R3HCC1L: variants seen among roughly 807,000 people sequenced by gnomAD.
The protein encoded by R3HCC1L is coiled-coil domain-containing protein R3HCC1L.
In R3HCC1L, 51 loss-of-function variants were observed where a neutral mutation model predicts 59.9. That is an observed-to-expected ratio of 0.85 (90% confidence interval 0.68 to 1.07). The LOEUF (loss-of-function observed/expected upper bound fraction) is 1.07. R3HCC1L is among the 50% of genes least tolerant of loss of function. R3HCC1L has a pLI of 0.00. For missense variants in R3HCC1L, 965 were observed against 933.0 expected, an observed-to-expected ratio of 1.03 and a Z score of -0.45; for synonymous variants, 322 against 315.2, an observed-to-expected ratio of 1.02 and a Z score of -0.23.
chr10:98,138,650 T>G (rs778382998), intron 1 of R3HCC1L, among the ~76,000 whole-genome samples: 6 of 152,260 alleles, frequency 3.9e-5, no homozygotes, highest in Non-Finnish European at 8.8e-5. Flanking sequence ...TGCTCAGTAA[T>G]GAGTGTGCTG....
chr10:98,179,408 G>A (rs1849392386), intron 4 of R3HCC1L, among the ~76,000 whole-genome samples: 2 of 152,130 alleles, frequency 1.3e-5, no homozygotes, highest in Admixed American at 6.5e-5. Flanking sequence ...TCCCAGGGAT[G>A]AAGCCAGCAT....
chr10:98,141,484 T>G (rs1209946798), intron 1 of R3HCC1L, among the ~76,000 whole-genome samples: 1 of 152,178 alleles, frequency 6.6e-6, no homozygotes, highest in Non-Finnish European at 1.5e-5. Flanking sequence ...TACCTTTTGT[T>G]GTGTTTGTAG....
intron 4 of R3HCC1L, among the ~76,000 whole-genome samples, chr10:98,207,297 C>A (rs1852803076): frequency 6.6e-6 from 1 of 152,054 alleles, no homozygotes; most frequent in African/African-American, 2.4e-5. Context: ...AGCACATTTT[C>A]TTGTATTTTA....
Position 98,234,424 on chromosome 10 carries a change from A to C in R3HCC1L, c.1962-22A>C. ...AAAGTAAATTTTATTTTAGGAAATA[A>C]AATTGTTTTTTTGTGTTGCAGAAAG... On this transcript the variant is annotated intron_variant, in intron 6 of 9. Transcript: ENST00000298999. 4 of 1,602,674 alleles carry C rather than the reference A, an allele frequency of 2.5e-6. No homozygotes were observed. The Admixed American group carries it at 6.7e-5, about 27-fold the overall frequency.
intron 2 of R3HCC1L, among the ~76,000 whole-genome samples, chr10:98,161,173 A>G (rs569675791): frequency 2.0e-5 from 3 of 152,242 alleles, no homozygotes; most frequent in African/African-American, 4.8e-5. Flanking sequence ...TTTCCCCACA[A>G]CCTCATCATC....
intron 4 of R3HCC1L, among the ~76,000 whole-genome samples, chr10:98,203,903 T>G (rs1156328553): frequency 6.6e-6 from 1 of 152,196 alleles, no homozygotes; most frequent in Non-Finnish European, 1.5e-5. Context: ...AGGCATGTGT[T>G]AGCAATTGAC....
intron 5 of R3HCC1L, among the ~76,000 whole-genome samples, chr10:98,218,646 T>C (rs1417429180): frequency 3.3e-5 from 5 of 152,206 alleles, no homozygotes; most frequent in South Asian, 2.1e-4. Flanking sequence ...GAATGTATCC[T>C]GCAGTTGTTG....
chr10:98,230,211 T>C (rs1439917620), intron 5 of R3HCC1L, among the ~76,000 whole-genome samples: 1 of 152,226 alleles, frequency 6.6e-6, no homozygotes, highest in Admixed American at 6.5e-5. Context: ...CGTCTGGTCC[T>C]GGACTTTTTT....
intron 1 of R3HCC1L, among the ~76,000 whole-genome samples, chr10:98,154,386 A>T (rs1423828641): frequency 6.6e-6 from 1 of 152,022 alleles, no homozygotes; most frequent in East Asian, 1.9e-4. Flanking sequence ...GGCAGCTGGG[A>T]GGGTCTTTCT....
intron 4 of R3HCC1L, among the ~76,000 whole-genome samples, chr10:98,200,209 G>T (rs1006319388): frequency 7.9e-5 from 12 of 151,886 alleles, no homozygotes; most frequent in African/African-American, 2.9e-4. Context: ...TTGAGGGTTT[G>T]TATTTTCACA....
chr10:98,195,885 A>C (rs2134981143), intron 4 of R3HCC1L, among the ~76,000 whole-genome samples: 1 of 152,336 alleles, frequency 6.6e-6, no homozygotes, highest in South Asian at 2.1e-4. Context: ...CTATTGCTAA[A>C]GAAGCAGAGT....
intron 1 of R3HCC1L, among the ~76,000 whole-genome samples, chr10:98,138,921 T>C: frequency 6.6e-6 from 1 of 152,238 alleles, no homozygotes; most frequent in East Asian, 1.9e-4. Context: ...TAGCCAGGTT[T>C]AGTATAATAT....
intron 1 of R3HCC1L, among the ~76,000 whole-genome samples, chr10:98,141,027 T>C (rs1022201046): frequency 9.9e-5 from 15 of 152,194 alleles, no homozygotes; most frequent in African/African-American, 2.4e-4. Flanking sequence ...GTTTTTTTTT[T>C]CCCAGTCTTC....
chr10:98,237,039 T>A (rs1254241932), intron 9 of R3HCC1L, among the ~76,000 whole-genome samples: 1 of 152,350 alleles, frequency 6.6e-6, no homozygotes, highest in East Asian at 1.9e-4. Context: ...TAATACGTCC[T>A]GTCCTCTCTG....
At position 98,209,242 on chromosome 10, in the gene R3HCC1L, T is replaced by C. The variant is rs148011436; in HGVS notation, c.1128T>C (p.Cys376=). 2 of 1,613,834 alleles carry C rather than the reference T, an allele frequency of 1.2e-6. No individual in the cohort carries two copies. Among genetic ancestry groups the C allele is most frequent in the African/African-American group, 2.7e-5 (2 of 74,944 alleles). Residue 376 remains cysteine, a synonymous_variant, in exon 5 of 10, where the codon TGT becomes TGC. Transcript: ENST00000298999. ...KNVGDITNKA[C]MMDTTGMSCS... ...TAGGTGACATTACCAATAAAGCATG[T>C]ATGATGGACACTACAGGTATGTCCT...
chr10:98,145,117 C>A (rs889767700), intron 1 of R3HCC1L, among the ~76,000 whole-genome samples: 6 of 152,090 alleles, frequency 3.9e-5, no homozygotes, highest in African/African-American at 1.4e-4. Flanking sequence ...AAATTTGATC[C>A]AATAGGTGAC....
intron 4 of R3HCC1L, among the ~76,000 whole-genome samples, chr10:98,186,870 G>T (rs1850273417): frequency 1.3e-5 from 2 of 152,098 alleles, no homozygotes; most frequent in South Asian, 4.2e-4. Context: ...GGGGTGTACT[G>T]TGGGATAGAG....
chr10:98,208,714 C>T lies in R3HCC1L; in HGVS notation c.600C>T (p.Asp200=). 1 of 1,614,004 alleles carries T rather than the reference C, an allele frequency of 6.2e-7. No homozygotes were observed. Among genetic ancestry groups the T allele is most frequent in the Non-Finnish European group, 8.5e-7 (1 of 1,179,996 alleles). The change falls in exon 5 of 10, where the codon GAC becomes GAT. Residue 200 remains aspartate (D), a synonymous_variant. Coordinates refer to ENST00000298999, the MANE Select transcript of R3HCC1L (RefSeq NM_001351015.2). ...AACCTGATGGGGAAGCATTTGAAGA[C>T]AAAGATTTGGAAGGCAGAATTGAAA... The part of the protein sequence containing the change: ...RHEPDGEAFE[D]KDLEGRIETD...
At position 98,152,641 on chromosome 10, in the gene R3HCC1L, C is replaced by T. The variant is rs1461879409; in HGVS notation, c.-267-3452C>T. Among the ~76,000 whole-genome samples, 10 of 124,570 alleles carry T rather than the reference C, an allele frequency of 8.0e-5. 1 individual carries two copies. The highest frequency in any genetic ancestry group is 1.9e-4 in the African/African-American group (7 of 37,692). The allele number at this position is 124,570 out of a possible 152,430, so 81.7% of individuals were successfully genotyped here. Reference sequence around the variant, plus strand: ...GATGCGGGGAGCGCCTCTGCCCCGCCACCCCGTCTGGGATGTGAGGAGCGC... The same window carrying T: ...GATGCGGGGAGCGCCTCTGCCCCGCTACCCCGTCTGGGATGTGAGGAGCGC... On this transcript the variant is annotated intron_variant, in intron 1 of 9. Transcript: ENST00000298999.
Sources: allele counts gnomAD v4.1 joint callset (sites outside exome capture counted in the v4.1 genomes callset), GRCh38; gene constraint gnomAD v4.1.1; transcripts MANE v1.5; gene names NCBI Gene and HGNC (gene_info 2026-07-23, HGNC 2026-07-21).